The following MYBPC3 variants were observed in gnomAD, a reference collection of about 807,000 sequenced individuals.
The protein encoded by MYBPC3 is myosin-binding protein C, cardiac-type.
MYBPC3 carries 108 observed loss-of-function variants against 159.3 expected under a neutral mutation model. The observed-to-expected ratio is 0.68, with a 90% CI of 0.58 to 0.80. MYBPC3 has a LOEUF of 0.80. MYBPC3 is among the 30% of genes least tolerant of loss of function. The pLI is 0.00. For missense variants in MYBPC3, 1,631 were observed against 1,762.1 expected, an observed-to-expected ratio of 0.93 and a Z score of 1.33; for synonymous variants, 730 against 702.0, an observed-to-expected ratio of 1.04 and a Z score of -0.63.
At chr11:47,341,352 G>A in intron 18 of MYBPC3, 108 bp from the exon 19 acceptor site, 1 of 775,180 alleles carries the variant, frequency 1.3e-6, no homozygotes. Flanking sequence ...CTGGCTTGTT[G>A]GTATTCTGAT....
In MYBPC3 at chr11:47,332,981, CAGGG is replaced by C; in HGVS notation, c.3331-12_3331-9del. 1.2e-6 allele frequency: 2 copies of C among 1,605,866 alleles called. No homozygotes were observed. The highest frequency in any genetic ancestry group is 1.1e-5 in the South Asian group (1 of 89,630). ...CAAGACGGTGAACCACTCCTGGGGG[CAGGG>C]AGGGAGGGGAGGCATCTCTGGGCCA... On this transcript the variant is annotated splice_polypyrimidine_tract_variant and intron_variant, in intron 30 of 34. Coordinates refer to ENST00000545968, the MANE Select transcript of MYBPC3 (RefSeq NM_000256.3). The surrounding 1 kb of genome is among the most constrained non-coding windows in gnomAD (Gnocchi z 4.2).
rs730880686 is a variant in MYBPC3, at chr11:47,346,268, AG to A, written c.1028del (p.Thr343MetfsTer7). The A allele has an allele frequency of 6.2e-7, 1 of 1,613,824 alleles. No individual in the cohort carries two copies. Among genetic ancestry groups the A allele is most frequent in the Non-Finnish European group, 8.5e-7 (1 of 1,179,812 alleles). On this transcript the variant is annotated frameshift_variant, in exon 12 of 35. Coordinates refer to ENST00000545968, the MANE Select transcript of MYBPC3 (RefSeq NM_000256.3). LOFTEE classifies it high-confidence loss of function. This position sits in a 1 kb window ranked among gnomAD's most constrained non-coding sequence, Gnocchi z 5.3. ...GCCTCTTTAGCATGCCGCGCAGGTC[AG>A]TGACGCCGTACTGGAAGGCGATGCG... is the stretch of plus-strand genomic sequence containing the variant. ...YERIAFQYGV[T>X]DLRGMLKRLK...
intron 17 of MYBPC3, 80 bp downstream of exon 17, chr11:47,342,498 G>C: frequency 7.0e-7 from 1 of 1,428,438 alleles, no homozygotes; most frequent in Non-Finnish European, 9.2e-7. Flanking sequence ...AGGTTTGCCT[G>C]CTCCCCTACA....
chr11:47,337,297 G>A, intron 25 of MYBPC3, 94 bp downstream of exon 25: 1 of 1,314,946 alleles, frequency 7.6e-7, no homozygotes, highest in Non-Finnish European at 1.0e-6. Flanking sequence ...GTGGATGTGA[G>A]TGTCTAGCAT....
rs3729799 is a variant in MYBPC3, at chr11:47,333,743, G to C, written c.3004C>G (p.Arg1002Gly). Residue 1002 changes from arginine to glycine, a missense_variant, in exon 29 of 35, where the codon CGG becomes GGG. Arg to Gly is a moderately radical substitution (Grantham distance 125). Transcript: ENST00000545968. Reference sequence around the variant, plus strand: ...TCTTTGGTCCAGGTCACCTGAGGCCGGGGCTTGCCCTGAGGGGAGGAAAAG... The same window carrying C: ...TCTTTGGTCCAGGTCACCTGAGGCCCGGGCTTGCCCTGAGGGGAGGAAAAG... Reference protein sequence around the residue: ...NLLIPFQGKPRPQVTWTKEGQ... With the variant: ...NLLIPFQGKPGPQVTWTKEGQ... The C allele has an allele frequency of 1.3e-6, 2 of 1,599,126 alleles. No homozygotes were observed. Among genetic ancestry groups the C allele is most frequent in the Non-Finnish European group, 8.5e-7 (1 of 1,173,596 alleles).
chr11:47,351,300 T>A lies in MYBPC3; in HGVS notation c.231A>T (p.Gly77=). The A allele has an allele frequency of 6.4e-7, 1 of 1,574,352 alleles. No homozygotes were observed. The highest frequency in any genetic ancestry group is 8.6e-7 in the Non-Finnish European group (1 of 1,159,152). ...TVREVGPADQ[G]SYAVIAGSSK... is the part of the protein sequence containing the mutation. ...AGGAGCCAGCAATGACTGCGTAAGA[T>A]CCCTGGTCGGCAGGGCCCACTTCCC... The change falls in exon 2 of 35, where the codon GGA becomes GGT. Residue 77 remains glycine (G), a synonymous_variant. Transcript: ENST00000545968. The surrounding 1 kb of genome is among the most constrained non-coding windows in gnomAD (Gnocchi z 4.2).
chr11:47,340,222 TACAC>T (rs1269854187), intron 20 of MYBPC3, among the ~76,000 whole-genome samples: 1 of 138,346 alleles, frequency 7.2e-6, no homozygotes, highest in African/African-American at 2.9e-5. Flanking sequence ...TACACATACA[TACAC>T]GCACACACAC....
intron 12 of MYBPC3, among the ~76,000 whole-genome samples, chr11:47,345,353 G>C (rs1232079887): frequency 1.3e-5 from 2 of 152,238 alleles, no homozygotes; most frequent in African/African-American, 4.8e-5. Context: ...GTGAGGCTGA[G>C]ACAACAGGGA....
rs1461148074 is a variant in MYBPC3, at chr11:47,343,112, G to T, written c.1260C>A (p.Thr420=). The T allele has an allele frequency of 2.5e-6, 4 of 1,611,924 alleles. No individual in the cohort carries two copies. Among genetic ancestry groups the T allele is most frequent in the Non-Finnish European group, 8.5e-7 (1 of 1,179,122 alleles). The change falls in exon 15 of 35, where the codon ACC becomes ACA. Residue 420 remains threonine, a synonymous_variant. Coordinates refer to ENST00000545968, the MANE Select transcript of MYBPC3 (RefSeq NM_000256.3). ...CCAATGAGCACTGGCTGATGGTCAG[G>T]GTACGCTTGGCACCGATGGACTCAA... ...YIFESIGAKR[T]LTISQCSLAD... is the part of the protein sequence containing the mutation.
At position 47,346,294 on chromosome 11, in the gene MYBPC3, G is replaced by A. The variant is rs730880630; in HGVS notation, c.1003C>T (p.Arg335Cys). The stretch of plus-strand genomic sequence containing the variant: ...GTGACGCCGTACTGGAAGGCGATGC[G>A]CTCGTACTCAGATGGGGGTGCCTGC... Reference protein sequence around the residue: ...LRQAPPSEYERIAFQYGVTDL... With the variant: ...LRQAPPSEYECIAFQYGVTDL... The change falls in exon 12 of 35, where the codon CGC becomes TGC. Residue 335 changes from arginine (R) to cysteine (C), a missense_variant. Physicochemically the swap from Arg to Cys is radical, Grantham distance 180. Coordinates refer to ENST00000545968, the MANE Select transcript of MYBPC3 (RefSeq NM_000256.3). This position sits in a 1 kb window ranked among gnomAD's most constrained non-coding sequence, Gnocchi z 5.3. 24 of 1,613,342 alleles carry A rather than the reference G, an allele frequency of 1.5e-5. No individual in the cohort carries two copies. Among genetic ancestry groups the A allele is most frequent in the East Asian group, 2.2e-5 (1 of 44,884 alleles).
chr11:47,347,807 C>T (rs780379897), intron 7 of MYBPC3, 50 bp downstream of exon 7: 4 of 1,549,490 alleles, frequency 2.6e-6, no homozygotes, highest in East Asian at 2.4e-5. Flanking sequence ...CCCTGAAGGG[C>T]CTCAGACTCC....
chr11:47,349,058 G>T (rs1175251641), intron 5 of MYBPC3, among the ~76,000 whole-genome samples: 1 of 151,418 alleles, frequency 6.6e-6, no homozygotes, highest in Non-Finnish European at 1.5e-5. Context: ...CTGGCACATG[G>T]TTGTGGTGAA....
chr11:47,332,895 A>C lies in MYBPC3; in HGVS notation c.3409T>G (p.Phe1137Val). 6.2e-7 allele frequency: 1 copy of C among 1,608,818 alleles called. No individual in the cohort carries two copies. Residue 1137 changes from phenylalanine to valine, a missense_variant, in exon 31 of 35, where the codon TTC becomes GTC. By Grantham distance (50) the Phe-to-Val change is conservative. Coordinates refer to ENST00000545968, the MANE Select transcript of MYBPC3 (RefSeq NM_000256.3). This position sits in a 1 kb window ranked among gnomAD's most constrained non-coding sequence, Gnocchi z 4.2. Reference sequence around the variant, plus strand: ...ACCATATTCTGGCTGAAGACGCGGAAGTAGTAGCCATTGCCAATGATGAGC... The same window carrying C: ...ACCATATTCTGGCTGAAGACGCGGACGTAGTAGCCATTGCCAATGATGAGC... ...PELIIGNGYY[F>V]RVFSQNMVGF...
At chr11:47,348,583 C>G (rs934529076) in intron 5 of MYBPC3, 42 bp from the exon 6 acceptor site, 1 of 1,515,574 alleles carries the variant, frequency 6.6e-7, no homozygotes, top group South Asian at 1.2e-5. Context: ...ACACCAGGGG[C>G]CGGGAGACAA....
intron 9 of MYBPC3, 143 bp downstream of exon 9, chr11:47,347,283 T>C: frequency 6.6e-7 from 1 of 1,514,832 alleles, no homozygotes; most frequent in Non-Finnish European, 8.9e-7. Flanking sequence ...CCTTCCACAC[T>C]GGGATCATCC....
Position 47,339,398 on chromosome 11 carries a change from T to G in MYBPC3, c.2074A>C (p.Lys692Gln), listed in dbSNP as rs730880562. Reference protein sequence around the residue: ...IWQKAITQGNKAPARPAPDAP... With the variant: ...IWQKAITQGNQAPARPAPDAP... ...TCTGGGGCTGGCCTGGCTGGGGCCT[T>G]ATTCCCCTGGGAACAGGGCAGGAGG... Residue 692 changes from lysine (K) to glutamine (Q), a missense_variant, in exon 22 of 35, where the codon AAG becomes CAG. Physicochemically the swap from Lys to Gln is moderately conservative, Grantham distance 53. Transcript: ENST00000545968. 1.4e-5 allele frequency: 22 copies of G among 1,613,878 alleles called. No individual in the cohort carries two copies. The highest frequency in any genetic ancestry group is 1.8e-5 in the Non-Finnish European group (21 of 1,179,868).
Position 47,332,650 on chromosome 11 carries a change from T to C in MYBPC3, c.3543A>G (p.Pro1181=), listed in dbSNP as rs1448642844. 3 of 1,613,572 alleles carry C rather than the reference T, an allele frequency of 1.9e-6. No individual in the cohort carries two copies. The African/African-American group carries it at 4.0e-5, about 22-fold the overall frequency. ...NYKALDFSEA[P]SFTQPLVNRS... is the part of the protein sequence containing the mutation. ...GGTTCACCAGGGGCTGGGTGAAGCT[T>C]GGGGCCTCGGAGAAGTCCAGGGCCT... is the stretch of plus-strand genomic sequence containing the variant. The change falls in exon 32 of 35, where the codon CCA becomes CCG. Residue 1181 remains proline (P), a synonymous_variant. Coordinates refer to ENST00000545968, the MANE Select transcript of MYBPC3 (RefSeq NM_000256.3). This position sits in a 1 kb window ranked among gnomAD's most constrained non-coding sequence, Gnocchi z 4.2.
intron 12 of MYBPC3, among the ~76,000 whole-genome samples, chr11:47,345,021 C>T (rs2095892784): frequency 6.6e-6 from 1 of 152,156 alleles, no homozygotes; most frequent in Non-Finnish European, 1.5e-5. Context: ...AACGCCTAAC[C>T]TCAGGTGATC....
In MYBPC3 at chr11:47,347,493, C is replaced by T; in HGVS notation, c.852-14G>A. 1 of 1,594,392 alleles carries T rather than the reference C, an allele frequency of 6.3e-7. No homozygotes were observed. Among genetic ancestry groups the T allele is most frequent in the Non-Finnish European group, 8.5e-7 (1 of 1,170,712 alleles). The stretch of plus-strand genomic sequence containing the variant: ...TCATGGCTATCACTATGGAGAGGGA[C>T]CCCCAGTGAGGCTGCAGTGAGGGAC... On this transcript the variant is annotated splice_polypyrimidine_tract_variant and intron_variant, in intron 8 of 34. Coordinates refer to ENST00000545968, the MANE Select transcript of MYBPC3 (RefSeq NM_000256.3).
Sources: allele counts gnomAD v4.1 joint callset (sites outside exome capture counted in the v4.1 genomes callset), GRCh38; gene constraint gnomAD v4.1.1; non-coding constraint Gnocchi (gnomAD v3.1); transcripts MANE v1.5; gene names NCBI Gene and HGNC (gene_info 2026-07-23, HGNC 2026-07-21).